Variants in POLR1A observed in about 807,000 individuals in gnomAD.
POLR1A encodes DNA-directed RNA polymerase I subunit RPA1.
Under a neutral mutation model 205.3 loss-of-function variants are expected in POLR1A, and 84 were observed. That is an observed-to-expected ratio of 0.41 (90% CI 0.34 to 0.49). The LOEUF (loss-of-function observed/expected upper bound fraction) is 0.49. POLR1A is among the 20% of genes least tolerant of loss of function. The pLI is 0.22. For missense variants in POLR1A, 1,645 were observed against 2,204.5 expected (o/e 0.75, Z 5.08); for synonymous variants, 799 against 863.7 (o/e 0.93, Z 1.31).
At chr2:86,087,331 C>T (rs1673519776) in intron 6 of POLR1A, among the ~76,000 whole-genome samples, 1 of 152,224 alleles carries the variant, frequency 6.6e-6, no homozygotes, top group Non-Finnish European at 1.5e-5. Flanking sequence ...AGGAGGGGAT[C>T]TTATTTCCAT....
rs552233536 is a variant in POLR1A at position 86,052,802 on chromosome 2, G to T, written c.2392+15C>A. 324 of 1,490,308 alleles carry T rather than the reference G, an allele frequency of 2.2e-4. No individual in the cohort carries two copies. Among genetic ancestry groups the T allele is most frequent in the Non-Finnish European group, 2.8e-4 (316 of 1,113,948 alleles). The allele number at this position is 1,490,308 out of a possible 1,614,324, so 92.3% of individuals were successfully genotyped here. Reference sequence around the variant, plus strand: ...TGACGGGTCACTGCCCCAGGGCAGCGAGCCCGGCACTTACCCAAGGTGAAG... The same window carrying T: ...TGACGGGTCACTGCCCCAGGGCAGCTAGCCCGGCACTTACCCAAGGTGAAG... On this transcript the variant is annotated intron_variant, in intron 16 of 33. Coordinates refer to ENST00000263857, the MANE Select transcript of POLR1A (RefSeq NM_015425.6).
At position 86,099,328 on chromosome 2, in the gene POLR1A, G is replaced by A. The variant is rs1026475653; in HGVS notation, c.283-568C>T. ...GCCAAGATCGTGCCACTGCACTCCA[G>A]CCTGGGAGACGGAATGAGACACTGT... On this transcript the variant is annotated intron_variant, in intron 2 of 33. Coordinates refer to ENST00000263857, the MANE Select transcript of POLR1A (RefSeq NM_015425.6). Among the ~76,000 whole-genome samples, 9 of 150,158 alleles carry A rather than the reference G, an allele frequency of 6.0e-5. 1 individual carries two copies. In the South Asian group the frequency reaches 1.9e-3, roughly 32 times the overall value.
At position 86,068,391 on chromosome 2, in the gene POLR1A, G is replaced by GC. The variant is rs201260745; in HGVS notation, c.1866+1626_1866+1627insG. 3.4e-4 allele frequency among the ~76,000 whole-genome samples: 40 copies of GC among 116,386 alleles called. 8 individuals are homozygous for GC. Among genetic ancestry groups the GC allele is most frequent in the Non-Finnish European group, 3.3e-4 (18 of 54,834 alleles). The allele number at this position is 116,386 out of a possible 152,430, so 76.4% of individuals were successfully genotyped here. A position where few individuals can be genotyped will look rare whatever the true frequency, so the allele number is the denominator to read the frequency against. On this transcript the variant is annotated intron_variant, in intron 13 of 33. Transcript: ENST00000263857. ...CGCACAGCCAAGCACATGGGCGGGG[G>GC]GGGGGGGCGGGTGTCGTCCAAAGCT...
Position 86,042,087 on chromosome 2 carries a change from T to C in POLR1A, c.3374A>G (p.Tyr1125Cys), listed in dbSNP as rs1672621541. Residue 1125 changes from tyrosine to cysteine, a missense_variant, in exon 24 of 34, where the codon TAT becomes TGT. Transcript: ENST00000263857. ...PGTQEMLRMW[Y>C]ELDEESRRKY... The stretch of plus-strand genomic sequence containing the variant: ...CCTTCGGCTTTCCTCATCCAACTCA[T>C]ACCACATCCTCAGCATCTGAACAGA... The C allele has an allele frequency of 6.2e-7, 1 of 1,612,248 alleles. No individual in the cohort carries two copies. The highest frequency in any genetic ancestry group is 8.5e-7 in the Non-Finnish European group (1 of 1,179,614).
At chr2:86,033,816 T>C (rs1672445502) in intron 27 of POLR1A, 29 bp from the exon 28 acceptor site, 4 of 1,612,102 alleles carry the variant, frequency 2.5e-6, no homozygotes, top group Non-Finnish European at 3.4e-6. Context: ...CAAAAAGCCC[T>C]GTGCAGTACC....
intron 8 of POLR1A, 60 bp downstream of exon 8, chr2:86,081,541 A>C (rs1398449640): frequency 9.3e-7 from 1 of 1,078,898 alleles, no homozygotes; most frequent in East Asian, 2.4e-5. Context: ...CCTAGAGGTC[A>C]CATTTCAGTT....
At chr2:86,051,034 C>T (rs1340892550) in intron 16 of POLR1A, among the ~76,000 whole-genome samples, 1 of 152,120 alleles carries the variant, frequency 6.6e-6, no homozygotes, top group Non-Finnish European at 1.5e-5. Context: ...GATGCTCATC[C>T]CAGCAATAAT....
chr2:86,037,815 G>C (rs751198055), intron 27 of POLR1A, among the ~76,000 whole-genome samples: 2 of 152,224 alleles, frequency 1.3e-5, no homozygotes, highest in Non-Finnish European at 1.5e-5. Flanking sequence ...AAAAACGTAG[G>C]GGGTGGGAAG....
At chr2:86,052,743 G>T in intron 16 of POLR1A, 74 bp downstream of exon 16, 1 of 1,263,576 alleles carries the variant, frequency 7.9e-7, no homozygotes, top group Non-Finnish European at 1.1e-6. Flanking sequence ...GGCTCTCTCT[G>T]TCCTGGGCCT....
At chr2:86,038,097 A>C (rs1379294179) in intron 27 of POLR1A, among the ~76,000 whole-genome samples, 1 of 152,228 alleles carries the variant, frequency 6.6e-6, no homozygotes, top group African/African-American at 2.4e-5. Flanking sequence ...CCCGGAACTC[A>C]GCATTGTGGC....
intron 29 of POLR1A, 128 bp from the exon 30 acceptor site, chr2:86,031,763 C>A (rs1672400122): frequency 1.7e-6 from 2 of 1,209,650 alleles, no homozygotes; most frequent in Admixed American, 2.2e-5. Flanking sequence ...CTGCTCCACA[C>A]TCCCGGCTCC....
intron 28 of POLR1A, among the ~76,000 whole-genome samples, 191 bp downstream of exon 28, chr2:86,033,470 C>T (rs1672433814): frequency 6.6e-6 from 1 of 152,252 alleles, no homozygotes; most frequent in African/African-American, 2.4e-5. Flanking sequence ...GGCAGCCTCG[C>T]TTGCCTGGCC....
chr2:86,074,107 C>T (rs535090699), intron 12 of POLR1A, among the ~76,000 whole-genome samples: 32 of 152,276 alleles, frequency 2.1e-4, no homozygotes, highest in African/African-American at 7.0e-4. Context: ...GCGGTGAGAA[C>T]GAGAGGAAGC....
chr2:86,098,489 A>T, intron 3 of POLR1A, 122 bp downstream of exon 3: 2 of 923,878 alleles, frequency 2.2e-6, no homozygotes, highest in South Asian at 1.5e-5. Flanking sequence ...TCCAGTTATA[A>T]GATATAAAGA....
chr2:86,025,125 A>C lies in POLR1A; in HGVS notation c.*2298T>G, dbSNP rs1373252005. The C allele has an allele frequency of 6.6e-6, 1 of 152,182 alleles. No individual in the cohort carries two copies. Among genetic ancestry groups the C allele is most frequent in the African/African-American group, 2.4e-5 (1 of 41,416 alleles). 9.4% of individuals were successfully genotyped at this position (152,182 alleles called of 1,614,324 possible). On this transcript the variant is annotated 3_prime_UTR_variant, in exon 34 of 34. Coordinates refer to ENST00000263857, the MANE Select transcript of POLR1A (RefSeq NM_015425.6). ...TGCACTCAGCCTGGGTAACAAGTGC[A>C]AAAGTGCATCTCAAAAAAAGAACTC...
At chr2:86,044,083 C>A (rs1162106642) in intron 22 of POLR1A, 56 bp downstream of exon 22, 12 of 1,573,798 alleles carry the variant, frequency 7.6e-6, no homozygotes, top group Non-Finnish European at 9.6e-6. Context: ...AGTTCTCTAA[C>A]CTCGGTGGGG....
chr2:86,051,151 T>C (rs961069359), intron 16 of POLR1A, among the ~76,000 whole-genome samples: 1 of 152,218 alleles, frequency 6.6e-6, no homozygotes, highest in Non-Finnish European at 1.5e-5. Context: ...CATGAGGATG[T>C]AGACTTGTAT....
chr2:86,027,538 A>C lies in POLR1A; in HGVS notation c.5063-15T>G. On this transcript the variant is annotated splice_polypyrimidine_tract_variant and intron_variant, in intron 33 of 33. Transcript: ENST00000263857. ...ATCGTGGGATCCTGACAGAGACACA[A>C]AAACATGTGTCAGGGTGTTGAGGTA... 6.3e-7 allele frequency: 1 copy of C among 1,599,794 alleles called. No homozygotes were observed. Among genetic ancestry groups the C allele is most frequent in the South Asian group, 1.1e-5 (1 of 90,792 alleles).
In POLR1A at chr2:86,026,148, A is replaced by C. The variant is rs1036715316; in HGVS notation, c.*1275T>G. 2 of 152,382 alleles carry C rather than the reference A, an allele frequency of 1.3e-5. No individual in the cohort carries two copies. Among genetic ancestry groups the C allele is most frequent in the African/African-American group, 4.8e-5 (2 of 41,454 alleles). 9.4% of individuals were successfully genotyped at this position (152,382 alleles called of 1,614,324 possible). ...AGGGCCAGCAGCTAGCTCTGGAAGGAGGTCACAGCAGAGGCAGGCCAGGGG... is the reference window on the plus strand; with the variant it reads ...AGGGCCAGCAGCTAGCTCTGGAAGGCGGTCACAGCAGAGGCAGGCCAGGGG... On this transcript the variant is annotated 3_prime_UTR_variant, in exon 34 of 34. Coordinates refer to ENST00000263857, the MANE Select transcript of POLR1A (RefSeq NM_015425.6).
Sources: gnomAD v4.1 joint callset for allele counts (sites outside exome capture counted in the v4.1 genomes callset) on GRCh38, gnomAD v4.1.1 for gene constraint, MANE v1.5 for transcripts, NCBI Gene and HGNC (gene_info 2026-07-23, HGNC 2026-07-21) for gene names.